The following TTC7A variants were observed in gnomAD, a reference collection of about 807,000 sequenced individuals.
TTC7A encodes the protein tetratricopeptide repeat domain 7A.
Under a neutral mutation model 103.7 loss-of-function variants are expected in TTC7A, and 110 were observed. That is an observed-to-expected ratio of 1.06 (90% confidence interval 0.91 to 1.24). TTC7A has a LOEUF of 1.24. TTC7A is among the 50% of genes most tolerant of loss of function. The pLI is 0.00. For synonymous variants in TTC7A, 521 were observed against 467.9 expected (o/e 1.11, Z -1.47); for missense variants, 1,340 against 1,116.3 (o/e 1.20, Z -2.86).
intron 11 of TTC7A, among the ~76,000 whole-genome samples, chr2:47,016,932 C>G (rs1430048272): frequency 3.3e-5 from 5 of 152,036 alleles, no homozygotes. Flanking sequence ...GGCAAGGTGG[C>G]TCACACCTGT....
chr2:47,006,758 C>CA (rs769409260), intron 10 of TTC7A, 34 bp downstream of exon 10: 5 of 1,519,722 alleles, frequency 3.3e-6, no homozygotes, highest in Non-Finnish European at 4.6e-6. Flanking sequence ...GTTGCACACT[C>CA]ACCCGCAGGG....
At position 46,941,640 on chromosome 2, in the gene TTC7A, C is replaced by A. The variant is rs1181309680; in HGVS notation, c.99C>A (p.Val33=). 4 of 1,553,226 alleles carry A rather than the reference C, an allele frequency of 2.6e-6. No individual in the cohort carries two copies. The highest frequency in any genetic ancestry group is 3.5e-6 in the Non-Finnish European group (4 of 1,148,836). The change falls in exon 1 of 20, where the codon GTC becomes GTA. Residue 33 remains valine, a synonymous_variant. Transcript: ENST00000319190. The surrounding 1 kb of genome is among the most constrained non-coding windows in gnomAD (Gnocchi z 4.2). ...ACTGGGACCGCATGCCGGAGCTGGT[C>A]CGGCAGCTGCAGACGCTGAGCATGC... ...EGHWDRMPEL[V]RQLQTLSMPG...
intron 1 of TTC7A, among the ~76,000 whole-genome samples, chr2:46,948,531 C>A (rs1049652958): frequency 6.6e-6 from 1 of 152,008 alleles, no homozygotes; most frequent in African/African-American, 2.4e-5. Context: ...AGAACGAAAC[C>A]CCCCTGCGAT....
At chr2:46,979,312 C>T (rs982883586) in intron 5 of TTC7A, among the ~76,000 whole-genome samples, 3 of 152,284 alleles carry the variant, frequency 2.0e-5, no homozygotes, top group Admixed American at 1.3e-4. Context: ...CTGAGCCTCA[C>T]GTTCCCCAAA....
Position 46,951,356 on chromosome 2 carries a change from A to T in TTC7A, c.348+830A>T, listed in dbSNP as rs994918947. Among the ~76,000 whole-genome samples the T allele has an allele frequency of 5.3e-5, 8 of 152,324 alleles. No individual in the cohort carries two copies. In the East Asian group the frequency reaches 1.5e-3, roughly 29 times the overall value. Reference sequence around the variant, plus strand: ...AATTAAGAATTAGAATCTGTGTTTTAACAAGCTCTCCTGGGTGATTCATAT... The same window carrying T: ...AATTAAGAATTAGAATCTGTGTTTTTACAAGCTCTCCTGGGTGATTCATAT... On this transcript the variant is annotated intron_variant, in intron 2 of 19. Coordinates refer to ENST00000319190, the MANE Select transcript of TTC7A (RefSeq NM_020458.4).
chr2:46,975,266 A>G (rs1012667529), intron 4 of TTC7A, among the ~76,000 whole-genome samples, 163 bp downstream of exon 4: 6 of 152,226 alleles, frequency 3.9e-5, no homozygotes, highest in African/African-American at 1.4e-4. Flanking sequence ...ATTATAGTAT[A>G]CTGATTCCAC....
Position 46,956,963 on chromosome 2 carries a change from C to A in TTC7A, c.473C>A (p.Pro158His), listed in dbSNP as rs1242924176. The change falls in exon 3 of 20, where the codon CCC (proline) becomes CAC (histidine). Residue 158 changes from proline to histidine, a missense_variant. Coordinates refer to ENST00000319190, the MANE Select transcript of TTC7A (RefSeq NM_020458.4). ...GIDDMSMENKPLYQMRLLSEA... is the reference protein window; with the variant it reads ...GIDDMSMENKHLYQMRLLSEA... ...GATGACATGTCCATGGAGAACAAGC[C>A]CCTGTATCAGATGCGGCTGCTGTCG... The A allele has an allele frequency of 1.2e-6, 2 of 1,614,126 alleles. No individual in the cohort carries two copies. Among genetic ancestry groups the A allele is most frequent in the East Asian group, 4.5e-5 (2 of 44,874 alleles).
At chr2:46,931,192 T>TG (rs1443504444) in intron 2 of TTC7A, among the ~76,000 whole-genome samples, 1 of 152,272 alleles carries the variant, frequency 6.6e-6, no homozygotes, top group African/African-American at 2.4e-5. Context: ...CATGGCTCAC[T>TG]GCAGCTTTCA....
intron 11 of TTC7A, among the ~76,000 whole-genome samples, chr2:47,014,838 G>C (rs1678467128): frequency 6.6e-6 from 1 of 152,284 alleles, no homozygotes; most frequent in African/African-American, 2.4e-5. Flanking sequence ...GGGTGAAGCT[G>C]GACTGGGTGG....
At chr2:46,948,523 A>T (rs1671127016) in intron 1 of TTC7A, among the ~76,000 whole-genome samples, 1 of 152,204 alleles carries the variant, frequency 6.6e-6, no homozygotes. Flanking sequence ...GTGCCTTCAG[A>T]ACGAAACCCC....
chr2:47,034,248 G>A (rs535152485), intron 15 of TTC7A: 8 of 152,362 alleles, frequency 5.3e-5, no homozygotes, highest in African/African-American at 1.9e-4. Flanking sequence ...CAGCCGGGCT[G>A]TCCCTGGCCA....
intron 3 of TTC7A, among the ~76,000 whole-genome samples, chr2:46,959,141 T>C (rs1267746787): frequency 6.6e-6 from 1 of 152,100 alleles, no homozygotes; most frequent in African/African-American, 2.4e-5. Context: ...AATCCTAGGA[T>C]GAAAGGAATC....
intron 8 of TTC7A, among the ~76,000 whole-genome samples, chr2:46,995,861 A>G (rs1332649153): frequency 6.6e-6 from 1 of 152,254 alleles, no homozygotes; most frequent in African/African-American, 2.4e-5. Context: ...AAAGGGAAGC[A>G]GGCAGTAAAT....
chr2:46,966,255 C>G (rs1672835215), intron 3 of TTC7A, among the ~76,000 whole-genome samples: 1 of 151,910 alleles, frequency 6.6e-6, no homozygotes, highest in Non-Finnish European at 1.5e-5. Context: ...GGCCTGCATA[C>G]TTTCTACTCT....
chr2:46,980,205 A>G (rs1407921106), intron 5 of TTC7A, among the ~76,000 whole-genome samples: 5 of 144,346 alleles, frequency 3.5e-5, no homozygotes, highest in Middle Eastern at 3.6e-3. Context: ...CTTCTACCCT[A>G]TACTCTCTCT....
chr2:47,001,511 A>G (rs1222513624), intron 8 of TTC7A, among the ~76,000 whole-genome samples: 1 of 152,148 alleles, frequency 6.6e-6, no homozygotes, highest in African/African-American at 2.4e-5. Flanking sequence ...ATCCCTGCCC[A>G]GGGTTACTGT....
intron 11 of TTC7A, among the ~76,000 whole-genome samples, chr2:47,020,223 C>T (rs907733881): frequency 6.6e-6 from 1 of 152,194 alleles, no homozygotes; most frequent in East Asian, 1.9e-4. Flanking sequence ...GAAACTGAGC[C>T]CCACAGCTGT....
At chr2:46,987,193 C>T (rs927547574) in intron 5 of TTC7A, among the ~76,000 whole-genome samples, 1 of 152,180 alleles carries the variant, frequency 6.6e-6, no homozygotes. Context: ...AGAGGGCAGC[C>T]GTGGACTCTG....
At chr2:46,969,658 G>T (rs377615116) in intron 3 of TTC7A, among the ~76,000 whole-genome samples, 3 of 152,038 alleles carry the variant, frequency 2.0e-5, no homozygotes, top group East Asian at 3.9e-4. Flanking sequence ...TGATCCGTCC[G>T]CCTCGGCCTC....
Sources: gnomAD v4.1 joint callset for allele counts (sites outside exome capture counted in the v4.1 genomes callset) on GRCh38, gnomAD v4.1.1 for gene constraint, Gnocchi (gnomAD v3.1) non-coding constraint, MANE v1.5 for transcripts, NCBI Gene and HGNC (gene_info 2026-07-23, HGNC 2026-07-21) for gene names.